TPRG1: variants seen among roughly 807,000 people sequenced by gnomAD.
TPRG1 encodes the protein tumor protein p63 regulated 1.
TPRG1 carries 29 observed loss-of-function variants against 29.3 expected under a neutral mutation model. The observed-to-expected ratio is 0.99, with a 90% confidence interval of 0.74 to 1.35. The LOEUF (loss-of-function observed/expected upper bound fraction) is 1.35. Ranked by LOEUF, TPRG1 falls within the 40% of genes most tolerant of loss-of-function variation. The probability of loss-of-function intolerance (pLI) is 0.00; values close to 1 mark genes in which losing one functional copy is unlikely to be tolerated. For synonymous variants in TPRG1, 130 were observed against 116.8 expected (o/e 1.11, Z -0.73); for missense variants, 327 against 335.0 (o/e 0.98, Z 0.19).
intron 5 of TPRG1, among the ~76,000 whole-genome samples, chr3:189,162,457 T>C (rs748297205): frequency 1.3e-5 from 2 of 152,188 alleles, no homozygotes; most frequent in Non-Finnish European, 2.9e-5. Flanking sequence ...GGATAATAAT[T>C]TTGTACTCAG....
intron 4 of TPRG1, among the ~76,000 whole-genome samples, chr3:189,028,067 A>T (rs540544219): frequency 6.6e-6 from 1 of 152,314 alleles, no homozygotes. Flanking sequence ...ATTTACTTTG[A>T]GAACTTACTG....
At chr3:189,252,039 C>G (rs368857831) in intron 4 of TPRG1, among the ~76,000 whole-genome samples, 7 of 152,114 alleles carry the variant, frequency 4.6e-5, no homozygotes, top group Non-Finnish European at 8.8e-5. Flanking sequence ...GTCCCTGCGG[C>G]CTTCTGCAGT....
chr3:189,074,836 G>C (rs1334544712), intron 4 of TPRG1, among the ~76,000 whole-genome samples: 1 of 150,688 alleles, frequency 6.6e-6, no homozygotes, highest in Non-Finnish European at 1.5e-5. Flanking sequence ...TCTTGAGACG[G>C]AGTCTCGCTC....
chr3:189,032,501 A>G lies in TPRG1; in HGVS notation c.-463+8555A>G, dbSNP rs574540836. Among the ~76,000 whole-genome samples the G allele has an allele frequency of 5.9e-5, 9 of 152,294 alleles. No homozygotes were observed. The South Asian group carries it at 1.5e-3, about 25-fold the overall frequency. On this transcript the variant is annotated intron_variant, in intron 4 of 10. Transcript: ENST00000433971. ...ACTAGATAAATTATTTCTCTCGTAC[A>G]TACGAATCAAGTGGCAGGTGGTCCT... is the stretch of plus-strand genomic sequence containing the variant.
chr3:189,276,945 T>A (rs888453287), intron 4 of TPRG1, among the ~76,000 whole-genome samples: 5 of 152,128 alleles, frequency 3.3e-5, no homozygotes, highest in African/African-American at 1.2e-4. Flanking sequence ...TTTTAATGAC[T>A]CCAGATGCTT....
intron 5 of TPRG1, among the ~76,000 whole-genome samples, chr3:189,166,271 A>G (rs1297234179): frequency 6.6e-5 from 10 of 152,216 alleles, no homozygotes. Flanking sequence ...TCCAAACTCA[A>G]GTTTTTGAAT....
chr3:189,098,889 C>A (rs2152187177), upstream of TPRG1, among the ~76,000 whole-genome samples: 1 of 152,212 alleles, frequency 6.6e-6, no homozygotes, highest in South Asian at 2.1e-4. Flanking sequence ...GAGTCCTGAA[C>A]CCTTGTCACC....
At chr3:189,106,603 G>A (rs1252578971) in intron 1 of TPRG1, among the ~76,000 whole-genome samples, 1 of 152,136 alleles carries the variant, frequency 6.6e-6, no homozygotes, top group Non-Finnish European at 1.5e-5. Context: ...CTGGCAGAGA[G>A]GCTGGTTTGT....
chr3:189,303,774 G>A (rs1411353562), intron 4 of TPRG1, among the ~76,000 whole-genome samples: 1 of 152,156 alleles, frequency 6.6e-6, no homozygotes, highest in Non-Finnish European at 1.5e-5. Flanking sequence ...AACATTGTGA[G>A]TCATGAAATC....
At chr3:189,240,315 G>C (rs371489633) in intron 4 of TPRG1, 9 of 151,936 alleles carry the variant, frequency 5.9e-5, no homozygotes, top group South Asian at 2.1e-4. Context: ...TTCTACACCA[G>C]ACCCTCGGTT....
chr3:189,206,727 C>G (rs965108818), intron 1 of TPRG1, among the ~76,000 whole-genome samples: 1 of 151,774 alleles, frequency 6.6e-6, no homozygotes, highest in Non-Finnish European at 1.5e-5. Context: ...TCTCAAACTC[C>G]TGAGCACAAG....
intron 4 of TPRG1, among the ~76,000 whole-genome samples, chr3:189,043,411 C>G (rs915811452): frequency 2.2e-4 from 33 of 152,304 alleles, no homozygotes; most frequent in African/African-American, 7.9e-4. Flanking sequence ...ATGTTTCTTT[C>G]TTAGCCCTCA....
rs573690275 is a variant in TPRG1, at chr3:189,255,644, A to T, written c.479+16735A>T. Among the ~76,000 whole-genome samples the T allele has an allele frequency of 2.6e-5, 4 of 152,304 alleles. No homozygotes were observed. In the South Asian group the frequency reaches 8.3e-4, roughly 32 times the overall value. On this transcript the variant is annotated intron_variant, in intron 4 of 5. Transcript: ENST00000345063. The stretch of plus-strand genomic sequence containing the variant: ...TCTGGTAGAATTCGGCTGTGAAGCC[A>T]TCTGGTCCTGGGCTTTTTTTGGTCT...
At chr3:189,196,066 A>T (rs1316552791) in intron 1 of TPRG1, among the ~76,000 whole-genome samples, 2 of 152,310 alleles carry the variant, frequency 1.3e-5, no homozygotes, top group Admixed American at 1.3e-4. Flanking sequence ...ATAGGCCAAC[A>T]AAGCTTTCTC....
upstream of TPRG1, among the ~76,000 whole-genome samples, chr3:189,169,307 G>A (rs2108654115): frequency 1.3e-5 from 2 of 152,254 alleles, no homozygotes; most frequent in African/African-American, 4.8e-5. Context: ...TGGGATTACA[G>A]GGGCCCGCCA....
intron 1 of TPRG1, among the ~76,000 whole-genome samples, chr3:189,205,098 A>T (rs1423070134): frequency 6.6e-6 from 1 of 152,168 alleles, no homozygotes; most frequent in East Asian, 1.9e-4. Flanking sequence ...CATAAGGCAG[A>T]TGTTGGGTGT....
chr3:189,109,080 A>T (rs1720173102), intron 1 of TPRG1, among the ~76,000 whole-genome samples: 1 of 152,056 alleles, frequency 6.6e-6, no homozygotes, highest in Non-Finnish European at 1.5e-5. Flanking sequence ...GGGTATAGAC[A>T]AAGTATTTTG....
At chr3:189,046,114 G>A (rs1353750055) in intron 4 of TPRG1, among the ~76,000 whole-genome samples, 1 of 152,216 alleles carries the variant, frequency 6.6e-6, no homozygotes, top group African/African-American at 2.4e-5. Context: ...TATGAGACAG[G>A]ATATTGGGAC....
At chr3:189,005,864 C>T (rs1345752117) in intron 3 of TPRG1, among the ~76,000 whole-genome samples, 1 of 151,914 alleles carries the variant, frequency 6.6e-6, no homozygotes, top group Non-Finnish European at 1.5e-5. Flanking sequence ...TAATTGAGCA[C>T]TTAGTAAACT....
Sources: allele counts gnomAD v4.1 joint callset (sites outside exome capture counted in the v4.1 genomes callset), GRCh38; gene constraint gnomAD v4.1.1; transcripts MANE v1.5; gene names NCBI Gene and HGNC (gene_info 2026-07-23, HGNC 2026-07-21).